DLG2: variants seen among roughly 807,000 people sequenced by gnomAD.
DLG2 encodes the protein disks large homolog 2.
Under a neutral mutation model 132.5 loss-of-function variants are expected in DLG2, and 45 were observed. That is an observed-to-expected ratio of 0.34 (90% confidence interval 0.27 to 0.44). The LOEUF is 0.44. DLG2 is among the 20% of genes least tolerant of loss of function. The pLI, the probability that DLG2 is intolerant of heterozygous loss-of-function variation, is 1.00. For synonymous variants in DLG2, 424 were observed against 419.6 expected, an observed-to-expected ratio of 1.01 and a Z score of -0.13; for missense variants, 1,045 against 1,196.9, an observed-to-expected ratio of 0.87 and a Z score of 1.87.
At chr11:84,071,463 T>C (rs1316538331) in intron 10 of DLG2, among the ~76,000 whole-genome samples, 1 of 152,082 alleles carries the variant, frequency 6.6e-6, no homozygotes, top group Admixed American at 6.6e-5. Flanking sequence ...TGAAGTTCAG[T>C]GGCAGGATCA....
intron 15 of DLG2, among the ~76,000 whole-genome samples, chr11:83,879,631 T>C (rs570723750): frequency 3.3e-5 from 5 of 152,302 alleles, no homozygotes; most frequent in Admixed American, 1.3e-4. Context: ...CGTCATCACC[T>C]TCCCACATGA....
chr11:85,145,539 T>C (rs2076783056), intron 5 of DLG2, among the ~76,000 whole-genome samples: 1 of 152,068 alleles, frequency 6.6e-6, no homozygotes, highest in African/African-American at 2.4e-5. Context: ...CTTTCCCCCA[T>C]GGCTGTTTTT....
At chr11:84,988,469 C>T (rs1044972590) in intron 6 of DLG2, among the ~76,000 whole-genome samples, 9 of 152,082 alleles carry the variant, frequency 5.9e-5, no homozygotes, top group African/African-American at 1.9e-4. Flanking sequence ...AATGTATATG[C>T]CCATAAATCA....
intron 7 of DLG2, among the ~76,000 whole-genome samples, chr11:84,403,152 C>T (rs1473936365): frequency 6.6e-6 from 1 of 151,926 alleles, no homozygotes; most frequent in Non-Finnish European, 1.5e-5. Flanking sequence ...GCTAATAGAA[C>T]ATGGAGATAA....
At chr11:84,688,171 T>C (rs1395719563) in intron 6 of DLG2, among the ~76,000 whole-genome samples, 1 of 152,166 alleles carries the variant, frequency 6.6e-6, no homozygotes, top group Non-Finnish European at 1.5e-5. Flanking sequence ...AAAATTTGTG[T>C]TGCAAAACCT....
intron 2 of DLG2, among the ~76,000 whole-genome samples, chr11:85,605,218 A>G (rs2080444385): frequency 6.6e-6 from 1 of 152,206 alleles, no homozygotes; most frequent in Non-Finnish European, 1.5e-5. Flanking sequence ...TGGCTTGTCC[A>G]AGATCACACA....
At position 84,459,547 on chromosome 11, in the gene DLG2, CT is replaced by C. The variant is rs567879540; in HGVS notation, c.519+75022del. On this transcript the variant is annotated intron_variant, in intron 7 of 27. Coordinates refer to ENST00000376104, the MANE Select transcript of DLG2 (RefSeq NM_001142699.3). ...AAAAAATTAATACTAGAAAATTTAA[CT>C]TTTTTTCAACTTTTATATTTTATAT... 9.3e-5 allele frequency among the ~76,000 whole-genome samples: 14 copies of C among 150,586 alleles called. No homozygotes were observed. The East Asian group carries it at 1.2e-3, about 13-fold the overall frequency.
chr11:84,128,727 G>A (rs926506704), intron 9 of DLG2, among the ~76,000 whole-genome samples: 3 of 151,986 alleles, frequency 2.0e-5, no homozygotes, highest in African/African-American at 7.2e-5. Context: ...CAGGCATTTA[G>A]GGGGCAATAT....
rs1032399605 is a variant in DLG2, at chr11:84,836,909, T to G, written c.357+274752A>C. Among the ~76,000 whole-genome samples the G allele has an allele frequency of 2.6e-5, 4 of 151,872 alleles. No individual in the cohort carries two copies. The East Asian group carries it at 7.8e-4, about 30-fold the overall frequency. ...AGTTTTAGGGTACATGTGCACAACGTGCAGGTTTGTTACAGATGTATACAT... is the reference window on the plus strand; with the variant it reads ...AGTTTTAGGGTACATGTGCACAACGGGCAGGTTTGTTACAGATGTATACAT... On this transcript the variant is annotated intron_variant, in intron 6 of 27. Coordinates refer to ENST00000376104, the MANE Select transcript of DLG2 (RefSeq NM_001142699.3).
intron 3 of DLG2, among the ~76,000 whole-genome samples, chr11:85,286,508 G>A (rs2078568169): frequency 1.3e-5 from 2 of 152,056 alleles, no homozygotes; most frequent in African/African-American, 2.4e-5. Flanking sequence ...AACAAAACTA[G>A]CACTCTGATT....
intron 6 of DLG2, among the ~76,000 whole-genome samples, chr11:84,945,315 G>A (rs1254408043): frequency 6.6e-6 from 1 of 152,220 alleles, no homozygotes; most frequent in Non-Finnish European, 1.5e-5. Context: ...CAGACCTGTA[G>A]AGGTAACACC....
intron 2 of DLG2, among the ~76,000 whole-genome samples, chr11:85,615,200 C>T (rs532089139): frequency 2.5e-4 from 38 of 152,216 alleles, no homozygotes; most frequent in South Asian, 8.3e-4. Context: ...TGCAAGGCTA[C>T]GCAGCAGTAA....
chr11:84,225,681 A>G (rs2096981154), intron 8 of DLG2, among the ~76,000 whole-genome samples: 1 of 152,228 alleles, frequency 6.6e-6, no homozygotes, highest in Admixed American at 6.5e-5. Flanking sequence ...TTTAGAGGAC[A>G]AAAATTCTCT....
intron 18 of DLG2, chr11:83,725,388 A>C (rs1215341863): frequency 6.4e-6 from 1 of 155,694 alleles, no homozygotes; most frequent in Non-Finnish European, 1.4e-5. Context: ...AAAGTTATTC[A>C]CAGCGTAGTG....
chr11:85,021,420 C>T, intron 6 of DLG2: 1 of 1,395,442 alleles, frequency 7.2e-7, no homozygotes. Context: ...TATCTAAAAC[C>T]TGGTCAGCAA....
At chr11:85,170,949 CAG>C (rs2078821197) in intron 4 of DLG2, among the ~76,000 whole-genome samples, 1 of 148,638 alleles carries the variant, frequency 6.7e-6, no homozygotes, top group Non-Finnish European at 1.5e-5. Context: ...AAAAAAAAAA[CAG>C]GGGAGAAGGG....
Position 83,480,617 on chromosome 11 carries a change from C to T in DLG2, c.2293+3512G>A, listed in dbSNP as rs908294257. On this transcript the variant is annotated intron_variant, in intron 22 of 27. Coordinates refer to ENST00000376104, the MANE Select transcript of DLG2 (RefSeq NM_001142699.3). ...TTTACAGGAACCCGCTGCTTGATTG[C>T]TGTTTCTTCTTTTTAGCAAATGAAG... is the stretch of plus-strand genomic sequence containing the variant. The T allele has an allele frequency of 7.1e-6, 11 of 1,557,346 alleles. No individual in the cohort carries two copies. In the Admixed American group the frequency reaches 1.5e-4, roughly 22 times the overall value.
intron 7 of DLG2, among the ~76,000 whole-genome samples, chr11:84,457,756 ATTG>A (rs2099069235): frequency 6.6e-6 from 1 of 150,944 alleles, no homozygotes; most frequent in South Asian, 2.1e-4. Context: ...GAGAAAGCCT[ATTG>A]TTAATTTTCC....
At chr11:84,534,193 G>A (rs1394212483) in intron 7 of DLG2, among the ~76,000 whole-genome samples, 1 of 152,122 alleles carries the variant, frequency 6.6e-6, no homozygotes, top group African/African-American at 2.4e-5. Flanking sequence ...CATTAGATGT[G>A]ATCATGTTAT....
Sources: allele counts gnomAD v4.1 joint callset (sites outside exome capture counted in the v4.1 genomes callset), GRCh38; gene constraint gnomAD v4.1.1; transcripts MANE v1.5; gene names NCBI Gene and HGNC (gene_info 2026-07-23, HGNC 2026-07-21).